The following CLU variants were observed in gnomAD, a reference collection of about 807,000 sequenced individuals.
CLU encodes the protein aging-associated protein 4.
In CLU, 25 loss-of-function variants were observed where a neutral mutation model predicts 46.4. That is an observed-to-expected ratio of 0.54 (90% CI 0.39 to 0.75). The LOEUF is 0.75. Among genes scored for constraint, CLU ranks in the 30% least tolerant of loss-of-function variants. The pLI is 0.00. For missense variants in CLU, 504 were observed against 592.1 expected (o/e 0.85, Z 1.54); for synonymous variants, 235 against 235.1 (o/e 1.00, Z 0.00).
Position 27,614,638 on chromosome 8 carries a change from A to G in CLU, c.-30+17T>C, listed in dbSNP as rs1800981710. The G allele has an allele frequency of 1.9e-6, 1 of 525,126 alleles. No individual in the cohort carries two copies. Among genetic ancestry groups the G allele is most frequent in the African/African-American group, 1.9e-5 (1 of 51,678 alleles). 32.5% of individuals were successfully genotyped at this position (525,126 alleles called of 1,614,324 possible). A position where few individuals can be genotyped will look rare whatever the true frequency, so the allele number is the denominator to read the frequency against. On this transcript the variant is annotated intron_variant, in intron 1 of 8. Coordinates refer to ENST00000316403, the MANE Select transcript of CLU (RefSeq NM_001831.4). ...GTGTGGCTCTGCTCAAGGGTAGGGA[A>G]GACGGGGACATCTCACCGGTCAGCG...
Position 27,598,255 on chromosome 8 carries a change from A to G in CLU, c.1341-5T>C. 1 of 1,613,928 alleles carries G rather than the reference A, an allele frequency of 6.2e-7. No homozygotes were observed. The highest frequency in any genetic ancestry group is 1.7e-4 in the Middle Eastern group (1 of 6,058). On this transcript the variant is annotated splice_region_variant and splice_polypyrimidine_tract_variant and intron_variant, in intron 8 of 8. Coordinates refer to ENST00000316403, the MANE Select transcript of CLU (RefSeq NM_001831.4). ...ACATCCACATCTCACTCCTCCCTGA[A>G]ATAAAAAACAGTTATCCTCCAAAGT... is the stretch of plus-strand genomic sequence containing the variant.
intron 6 of CLU, among the ~76,000 whole-genome samples, chr8:27,600,304 G>A (rs979505360): frequency 2.0e-5 from 3 of 149,588 alleles, no homozygotes; most frequent in African/African-American, 5.0e-5. Flanking sequence ...GTGAGATCTC[G>A]GCTCACTGCA....
At chr8:27,606,240 G>T in intron 4 of CLU, 114 bp downstream of exon 4, 1 of 1,239,904 alleles carries the variant, frequency 8.1e-7, no homozygotes. Flanking sequence ...TGGCACTCTG[G>T]GCAAGCCAGC....
intron 5 of CLU, 126 bp downstream of exon 5, chr8:27,604,798 A>G: frequency 8.6e-7 from 1 of 1,163,444 alleles, no homozygotes; most frequent in Non-Finnish European, 1.3e-6. Flanking sequence ...TCCTCTTTAA[A>G]TAAGGATAAT....
In CLU at chr8:27,600,271, G is replaced by C. The variant is rs9331933; in HGVS notation, c.935-262C>G. 3.5e-3 allele frequency among the ~76,000 whole-genome samples: 535 copies of C among 152,280 alleles called. 3 individuals carry two copies. The highest frequency in any genetic ancestry group is 0.012 in the African/African-American group (485 of 41,556). On this transcript the variant is annotated intron_variant, in intron 6 of 8. Transcript: ENST00000316403. ...TTTTTTTGAGACAGAGTTTTGCTCT[G>C]TTGCCTAGGCTGGAATACAGTGGTG...
At chr8:27,607,884 A>G (rs1438134508) in intron 3 of CLU, among the ~76,000 whole-genome samples, 2 of 152,110 alleles carry the variant, frequency 1.3e-5, no homozygotes, top group Non-Finnish European at 2.9e-5. Context: ...CCTGCTACCT[A>G]CTTCCTTGCC....
intron 1 of CLU, chr8:27,612,021 G>A (rs1800938853): frequency 2.9e-6 from 1 of 346,470 alleles, no homozygotes; most frequent in Admixed American, 3.9e-5. Flanking sequence ...AAGACAGGGT[G>A]CTGGGCCATG....
Position 27,597,406 on chromosome 8 carries a change from TATG to T in CLU, c.*832_*834del, listed in dbSNP as rs1363657974. 6.6e-6 allele frequency: 3 copies of T among 454,338 alleles called. No individual in the cohort carries two copies. Among genetic ancestry groups the T allele is most frequent in the Non-Finnish European group, 1.3e-5 (3 of 226,774 alleles). 28.1% of individuals were successfully genotyped at this position (454,338 alleles called of 1,614,324 possible). On this transcript the variant is annotated 3_prime_UTR_variant, in exon 9 of 9. Coordinates refer to ENST00000316403, the MANE Select transcript of CLU (RefSeq NM_001831.4). ...GAAACGCCTGTGGTCCAGGGAAAGG[TATG>T]AAGATCATATAAACCGGCGGTGGAC...
At chr8:27,598,983 AAAAG>A in intron 7 of CLU, 1 of 188,532 alleles carries the variant, frequency 5.3e-6, no homozygotes, top group South Asian at 1.4e-4. Context: ...AAAGAAAAGA[AAAAG>A]AAGAGTTCCC....
intron 6 of CLU, among the ~76,000 whole-genome samples, chr8:27,601,996 C>T (rs1800730093): frequency 6.6e-6 from 1 of 152,110 alleles, no homozygotes; most frequent in Admixed American, 6.5e-5. Context: ...GAGGCTGGGG[C>T]AGGAGAATCG....
chr8:27,614,678 C>G lies in CLU; in HGVS notation c.-53G>C, dbSNP rs756245993. The G allele has an allele frequency of 1.9e-6, 1 of 532,418 alleles. No homozygotes were observed. The highest frequency in any genetic ancestry group is 5.5e-5 in the East Asian group (1 of 18,248). 33.0% of individuals were successfully genotyped at this position (532,418 alleles called of 1,614,324 possible). A position where few individuals can be genotyped will look rare whatever the true frequency, so the allele number is the denominator to read the frequency against. On this transcript the variant is annotated 5_prime_UTR_variant, in exon 1 of 9. Transcript: ENST00000316403. ...ACCGGTCAGCGGCACCCTGTGCCCGCGCGCTCCTCCTGGCGACGCCGCGTT... is the reference window on the plus strand; with the variant it reads ...ACCGGTCAGCGGCACCCTGTGCCCGGGCGCTCCTCCTGGCGACGCCGCGTT...
chr8:27,604,494 A>C, intron 5 of CLU, 99 bp from the exon 6 acceptor site: 1 of 976,452 alleles, frequency 1.0e-6, no homozygotes, highest in Non-Finnish European at 1.6e-6. Flanking sequence ...TAATTTACAG[A>C]CAGGGTCTCA....
chr8:27,612,034 G>GA, intron 1 of CLU: 1 of 337,616 alleles, frequency 3.0e-6, no homozygotes, highest in Non-Finnish European at 5.8e-6. Context: ...GGGCCATGAA[G>GA]AATGGGGCAG....
chr8:27,604,661 T>G (rs577551844), intron 5 of CLU, among the ~76,000 whole-genome samples: 1 of 152,270 alleles, frequency 6.6e-6, no homozygotes, highest in South Asian at 2.1e-4. Flanking sequence ...TTTATTTTTG[T>G]AGAGACAGGG....
intron 1 of CLU, chr8:27,612,047 A>G (rs1336235764): frequency 8.9e-6 from 3 of 335,300 alleles, no homozygotes; most frequent in Non-Finnish European, 1.7e-5. Flanking sequence ...TGGGGCAGCC[A>G]AAGGCAAGAT....
At chr8:27,605,405 C>T (rs914115718) in intron 4 of CLU, 70 bp from the exon 5 acceptor site, 3 of 1,557,630 alleles carry the variant, frequency 1.9e-6, no homozygotes, top group Non-Finnish European at 2.6e-6. Flanking sequence ...CTCCCACCCC[C>T]TGGTGAGCCA....
At position 27,606,577 on chromosome 8, in the gene CLU, A is replaced by T. The variant is rs544506906; in HGVS notation, c.247-53T>A. 2.4e-5 allele frequency: 38 copies of T among 1,608,946 alleles called. 1 individual carries two copies. In the African/African-American group the frequency reaches 4.9e-4, roughly 21 times the overall value. ...CCACACAGAGACCACAGGCTCATGC[A>T]CTCAAAGAGCTGCTGGGTGCCAGGC... On this transcript the variant is annotated intron_variant, in intron 3 of 8. Coordinates refer to ENST00000316403, the MANE Select transcript of CLU (RefSeq NM_001831.4).
Position 27,599,571 on chromosome 8 carries a change from C to A in CLU, c.1164+209G>T. The A allele has an allele frequency of 1.8e-6, 1 of 571,216 alleles. No individual in the cohort carries two copies. The allele number at this position is 571,216 out of a possible 1,614,324, so 35.4% of individuals were successfully genotyped here. Reference sequence around the variant, plus strand: ...TCATCTGTCAGCTATCACACCTTGGCCAAGCTGTGGAACCTCTCTTACTTT... The same window carrying A: ...TCATCTGTCAGCTATCACACCTTGGACAAGCTGTGGAACCTCTCTTACTTT... On this transcript the variant is annotated intron_variant, in intron 7 of 8. Transcript: ENST00000316403. The surrounding 1 kb of genome is among the most constrained non-coding windows in gnomAD (Gnocchi z 4.0).
intron 6 of CLU, among the ~76,000 whole-genome samples, chr8:27,602,179 A>G (rs369841719): frequency 2.0e-5 from 3 of 152,318 alleles, no homozygotes; most frequent in African/African-American, 2.4e-5. Context: ...GCTGTCACCC[A>G]GGGAGATTTA....
Sources: gnomAD v4.1 joint callset for allele counts (sites outside exome capture counted in the v4.1 genomes callset) on GRCh38, gnomAD v4.1.1 for gene constraint, Gnocchi (gnomAD v3.1) non-coding constraint, MANE v1.5 for transcripts, NCBI Gene and HGNC (gene_info 2026-07-23, HGNC 2026-07-21) for gene names.